EXOC2: variants seen among roughly 807,000 people sequenced by gnomAD.
EXOC2 encodes the protein exocyst complex component 2, also known as SEC5-like 1.
EXOC2 carries 70 observed loss-of-function variants against 131.8 expected under a neutral mutation model. The observed-to-expected ratio is 0.53, with a 90% CI of 0.44 to 0.65. The LOEUF is 0.65. Ranked by LOEUF, EXOC2 falls within the 30% of genes least tolerant of loss-of-function variation. EXOC2 has a pLI of 0.00. For missense variants in EXOC2, 923 were observed against 1,108.6 expected (o/e 0.83, Z 2.38); for synonymous variants, 411 against 398.4 (o/e 1.03, Z -0.38).
At chr6:490,071 CTT>C (rs958939792) in intron 26 of EXOC2, among the ~76,000 whole-genome samples, 3 of 152,156 alleles carry the variant, frequency 2.0e-5, no homozygotes, top group African/African-American at 7.2e-5. Context: ...TTATGAACCT[CTT>C]TTTGATTAAT....
chr6:656,439 A>T, intron 1 of EXOC2: 1 of 1,613,680 alleles, frequency 6.2e-7, no homozygotes, highest in Non-Finnish European at 8.5e-7. Flanking sequence ...CATCCTCTCC[A>T]CGATGCTCCT....
chr6:576,614 A>T, intron 12 of EXOC2, 143 bp downstream of exon 12: 1 of 815,664 alleles, frequency 1.2e-6, no homozygotes, highest in Non-Finnish European at 1.8e-6. Context: ...ACTGGTAGTT[A>T]CTGTAACAAG....
At position 635,794 on chromosome 6, in the gene EXOC2, G is replaced by A. The variant is rs566369850; in HGVS notation, c.118+1907C>T. 7.9e-5 allele frequency among the ~76,000 whole-genome samples: 12 copies of A among 152,380 alleles called. No individual in the cohort carries two copies. The South Asian group carries it at 8.3e-4, about 11-fold the overall frequency. ...AAGTAATACACAGGCCAGGCAAGGCGGCGCACGCCTGTAATGCCAGCACTT... is the reference window on the plus strand; with the variant it reads ...AAGTAATACACAGGCCAGGCAAGGCAGCGCACGCCTGTAATGCCAGCACTT... On this transcript the variant is annotated intron_variant, in intron 2 of 27. Coordinates refer to ENST00000230449, the MANE Select transcript of EXOC2 (RefSeq NM_018303.6).
At chr6:632,793 C>T in intron 3 of EXOC2, 148 bp downstream of exon 3, 2 of 791,880 alleles carry the variant, frequency 2.5e-6, no homozygotes, top group Non-Finnish European at 3.8e-6. Context: ...TATTAACCAA[C>T]ATCCCAATCC....
At chr6:488,476 AATATATATGT>A (rs1335957900) in intron 27 of EXOC2, among the ~76,000 whole-genome samples, 1 of 152,186 alleles carries the variant, frequency 6.6e-6, no homozygotes. Flanking sequence ...GGTCTAATGA[AATATATATGT>A]ATATATAAAA....
chr6:547,436 C>A (rs1467446870), intron 22 of EXOC2, among the ~76,000 whole-genome samples: 1 of 152,202 alleles, frequency 6.6e-6, no homozygotes, highest in Non-Finnish European at 1.5e-5. Context: ...AGACCCTCAT[C>A]TTCAAGTGCG....
At chr6:487,146 T>TA (rs772234830) in intron 27 of EXOC2, among the ~76,000 whole-genome samples, 8 of 152,314 alleles carry the variant, frequency 5.3e-5, no homozygotes, top group Non-Finnish European at 8.8e-5. Flanking sequence ...TACCGGAGTG[T>TA]AACAGGCTAC....
intron 24 of EXOC2, among the ~76,000 whole-genome samples, chr6:498,871 T>C (rs543849363): frequency 1.8e-4 from 27 of 152,250 alleles, no homozygotes; most frequent in African/African-American, 5.3e-4. Context: ...TCTGCCCCAC[T>C]TTATCTGGTC....
intron 12 of EXOC2, among the ~76,000 whole-genome samples, chr6:576,472 A>T (rs1262904224): frequency 6.6e-6 from 1 of 152,234 alleles, no homozygotes; most frequent in Non-Finnish European, 1.5e-5. Flanking sequence ...TGGCACTTTA[A>T]AAAAATTCAA....
intron 7 of EXOC2, among the ~76,000 whole-genome samples, chr6:605,316 T>C (rs1252874804): frequency 6.6e-6 from 1 of 152,252 alleles, no homozygotes; most frequent in Non-Finnish European, 1.5e-5. Flanking sequence ...TGTTGAAACA[T>C]TAAAAACTCA....
intron 1 of EXOC2, among the ~76,000 whole-genome samples, chr6:657,597 A>C (rs1448601688): frequency 6.6e-6 from 1 of 152,204 alleles, no homozygotes; most frequent in Non-Finnish European, 1.5e-5. Context: ...CCATTTACCC[A>C]ACTATTTCCT....
chr6:587,710 A>T (rs367655114), intron 11 of EXOC2, among the ~76,000 whole-genome samples: 10 of 152,354 alleles, frequency 6.6e-5, no homozygotes, highest in African/African-American at 2.4e-4. Flanking sequence ...TCTGTGCCGC[A>T]TTTCATTTAC....
chr6:492,839 T>G (rs1315391643), intron 25 of EXOC2, among the ~76,000 whole-genome samples: 1 of 152,176 alleles, frequency 6.6e-6, no homozygotes, highest in Non-Finnish European at 1.5e-5. Context: ...ACTGGACAGC[T>G]CTTTGAATAT....
rs73371938 is a variant in EXOC2 at position 591,360 on chromosome 6, C to T, written c.1192+1109G>A. On this transcript the variant is annotated intron_variant, in intron 11 of 27. Coordinates refer to ENST00000230449, the MANE Select transcript of EXOC2 (RefSeq NM_018303.6). ...GCAGCCAAGAAAGTTCGTCTCTTCA[C>T]TCCACCTCCACGATCTAAGCTCCAA... Among the ~76,000 whole-genome samples the T allele has an allele frequency of 3.8e-3, 576 of 152,316 alleles. 3 individuals are homozygous for T. The highest frequency in any genetic ancestry group is 0.013 in the African/African-American group (553 of 41,564).
chr6:639,894 C>T (rs1426047603), intron 1 of EXOC2, among the ~76,000 whole-genome samples: 1 of 152,110 alleles, frequency 6.6e-6, no homozygotes, highest in Non-Finnish European at 1.5e-5. Flanking sequence ...CCCAACAAAC[C>T]GGTGAGGTCC....
chr6:575,617 G>A (rs529651740), intron 12 of EXOC2, among the ~76,000 whole-genome samples: 21 of 152,236 alleles, frequency 1.4e-4, no homozygotes, highest in South Asian at 6.2e-4. Context: ...AGATGCCGGC[G>A]CAATGCTTCC....
chr6:517,656 CT>C lies in EXOC2; in HGVS notation c.2380+14812del, dbSNP rs1297703249. Among the ~76,000 whole-genome samples the C allele has an allele frequency of 2.0e-5, 3 of 152,324 alleles. No homozygotes were observed. The East Asian group carries it at 5.8e-4, about 29-fold the overall frequency. On this transcript the variant is annotated intron_variant, in intron 23 of 27. Transcript: ENST00000230449. ...CATTAGATGAAAAGTTTATGGTGAA[CT>C]TTTAAAGGGTATACCAAGCTGATAA...
chr6:536,766 G>C (rs1766465893), intron 22 of EXOC2, among the ~76,000 whole-genome samples: 1 of 152,138 alleles, frequency 6.6e-6, no homozygotes. Context: ...ATTGAAGCAG[G>C]TAAAGATTCT....
chr6:675,491 C>A (rs1226791671), intron 1 of EXOC2, among the ~76,000 whole-genome samples: 1 of 152,020 alleles, frequency 6.6e-6, no homozygotes, highest in African/African-American at 2.4e-5. Context: ...CCCCATCAAC[C>A]CATTGCTTTA....
Sources: gnomAD v4.1 joint callset for allele counts (sites outside exome capture counted in the v4.1 genomes callset) on GRCh38, gnomAD v4.1.1 for gene constraint, MANE v1.5 for transcripts, NCBI Gene and HGNC (gene_info 2026-07-23, HGNC 2026-07-21) for gene names.